Variants in AMMECR1 observed in about 807,000 individuals in gnomAD.
The protein encoded by AMMECR1 is AMMECR nuclear protein 1.
AMMECR1 carries 3 observed loss-of-function variants against 22.5 expected under a neutral mutation model. The observed-to-expected ratio is 0.13, with a 90% CI of 0.06 to 0.35. The LOEUF is 0.35. AMMECR1 is among the 10% of genes least tolerant of loss of function. The pLI, the probability that AMMECR1 is intolerant of heterozygous loss-of-function variation, is 1.00. For missense variants in AMMECR1, 235 were observed against 278.7 expected, an observed-to-expected ratio of 0.84 and a Z score of 1.12; for synonymous variants, 130 against 116.7, an observed-to-expected ratio of 1.11 and a Z score of -0.74.
chrX:110,289,221 C>A (rs1004277107), intron 1 of AMMECR1, among the ~76,000 whole-genome samples: 1 of 111,791 alleles, frequency 8.9e-6, no homozygotes, highest in African/African-American at 3.3e-5. Flanking sequence ...CCACATGTGG[C>A]AATTTCTACC....
intron 2 of AMMECR1, among the ~76,000 whole-genome samples, chrX:110,401,433 C>T (rs1034777621): frequency 1.8e-5 from 2 of 111,827 alleles, no homozygotes; most frequent in African/African-American, 6.5e-5. Context: ...AAGACCTTGA[C>T]CTCTGGTTTG....
Position 110,251,503 on chromosome X carries a change from T to A in AMMECR1, c.584+12986A>T, listed in dbSNP as rs190635677. On this transcript the variant is annotated intron_variant, in intron 2 of 5. Coordinates refer to ENST00000262844, the MANE Select transcript of AMMECR1 (RefSeq NM_015365.3). ...GGTCCTCAAGTACTATGCTTCTTAA[T>A]AAAAATGGGTTTTCCTCTCTGGTGA... 8.4e-3 allele frequency among the ~76,000 whole-genome samples: 944 copies of A among 112,375 alleles called. 3 individuals carry two copies. The highest frequency in any genetic ancestry group is 0.012 in the Non-Finnish European group (655 of 53,289).
At chrX:110,262,711 A>C (rs750968406) in intron 2 of AMMECR1, among the ~76,000 whole-genome samples, 1 of 112,145 alleles carries the variant, frequency 8.9e-6, no homozygotes, top group African/African-American at 3.2e-5. Context: ...AATGTTTGAT[A>C]ATGGGATTTC....
intron 1 of AMMECR1, among the ~76,000 whole-genome samples, chrX:110,293,540 A>C (rs2067919658): frequency 9.0e-6 from 1 of 110,853 alleles, no homozygotes; most frequent in African/African-American, 3.3e-5. Flanking sequence ...AGGGGGCCTG[A>C]TTTTCTTGAA....
chrX:110,328,816 A>C lies in AMMECR1; in HGVS notation c.-147-10967T>G, dbSNP rs763920353. Among the ~76,000 whole-genome samples, 3 of 112,011 alleles carry C rather than the reference A, an allele frequency of 2.7e-5. No homozygotes were observed. The South Asian group carries it at 1.1e-3, about 41-fold the overall frequency. Reference sequence around the variant, plus strand: ...TGAACTCATCCTTTTTTATGGCTGCATAGTATTCCATGGTGTGTATGTGTC... The same window carrying C: ...TGAACTCATCCTTTTTTATGGCTGCCTAGTATTCCATGGTGTGTATGTGTC... On this transcript the variant is annotated intron_variant, in intron 2 of 7. Transcript: ENST00000372057.
intron 2 of AMMECR1, among the ~76,000 whole-genome samples, chrX:110,371,559 G>T (rs2068339118): frequency 9.0e-6 from 1 of 111,218 alleles, no homozygotes; most frequent in Admixed American, 9.6e-5. Flanking sequence ...CCAGCCTCTG[G>T]TAACCATATG....
intron 2 of AMMECR1, among the ~76,000 whole-genome samples, chrX:110,392,429 G>A (rs1262625174): frequency 1.8e-5 from 2 of 110,221 alleles, no homozygotes; most frequent in Admixed American, 9.7e-5. Flanking sequence ...GTCATGTGCC[G>A]TCATGCCTGG....
chrX:110,383,155 G>T (rs1331995941), intron 2 of AMMECR1, among the ~76,000 whole-genome samples: 1 of 111,578 alleles, frequency 9.0e-6, no homozygotes. Context: ...AGTTACTTAA[G>T]ATTGCACCCA....
At chrX:110,343,800 C>T (rs2068175767) in intron 2 of AMMECR1, among the ~76,000 whole-genome samples, 1 of 110,441 alleles carries the variant, frequency 9.1e-6, no homozygotes, top group South Asian at 3.9e-4. Flanking sequence ...TGTGAAGGAC[C>T]TCTTCAAGGA....
At chrX:110,341,526 A>C (rs1351528681) in intron 2 of AMMECR1, among the ~76,000 whole-genome samples, 1 of 112,130 alleles carries the variant, frequency 8.9e-6, no homozygotes, top group African/African-American at 3.2e-5. Flanking sequence ...GGGTGATGAA[A>C]TCTTGCACCA....
At chrX:110,420,607 A>G (rs1191631127) in intron 2 of AMMECR1, among the ~76,000 whole-genome samples, 1 of 112,153 alleles carries the variant, frequency 8.9e-6, no homozygotes, top group East Asian at 2.8e-4. Context: ...ACAAACTTTC[A>G]GTGTTCCAAT....
At chrX:110,233,821 A>G (rs1392226515) in intron 2 of AMMECR1, among the ~76,000 whole-genome samples, 2 of 112,196 alleles carry the variant, frequency 1.8e-5, no homozygotes, top group African/African-American at 3.2e-5. Context: ...GTATTGATGG[A>G]ACGTATCTCA....
chrX:110,333,260 G>T (rs1434104172), intron 2 of AMMECR1, among the ~76,000 whole-genome samples: 1 of 111,773 alleles, frequency 8.9e-6, no homozygotes, highest in Non-Finnish European at 1.9e-5. Flanking sequence ...GAATTTTGTT[G>T]TAGGGATATA....
chrX:110,406,676 C>A (rs189733443), intron 2 of AMMECR1, among the ~76,000 whole-genome samples: 1 of 112,018 alleles, frequency 8.9e-6, no homozygotes, highest in Non-Finnish European at 1.9e-5. Context: ...CTTGAAGAAT[C>A]TCCAGTGTCT....
chrX:110,279,629 C>T (rs1337712332), intron 1 of AMMECR1, among the ~76,000 whole-genome samples: 1 of 111,541 alleles, frequency 9.0e-6, no homozygotes, highest in Non-Finnish European at 1.9e-5. Flanking sequence ...ACCTACCCAT[C>T]CCCCTCCTTC....
intron 1 of AMMECR1, among the ~76,000 whole-genome samples, chrX:110,301,870 T>C (rs954624551): frequency 9.0e-6 from 1 of 111,675 alleles, no homozygotes; most frequent in Non-Finnish European, 1.9e-5. Flanking sequence ...TTAAACATAT[T>C]AGAAAAAAAA....
In AMMECR1 at chrX:110,372,289, A is replaced by G. The variant is rs2068344460; in HGVS notation, c.-148+54369T>C. The stretch of plus-strand genomic sequence containing the variant: ...ATTTGCTTTTTATTTCTTTCAAATT[A>G]TTTGATTTTAAAAGAAATGCCTACA... On this transcript the variant is annotated intron_variant, in intron 2 of 7. Coordinates refer to the AMMECR1 transcript ENST00000372057. Among the ~76,000 whole-genome samples the G allele has an allele frequency of 6.2e-5, 7 of 112,725 alleles. No individual in the cohort carries two copies. The South Asian group carries it at 2.5e-3, about 41-fold the overall frequency.
At chrX:110,437,675 G>A (rs746240970) in intron 1 of AMMECR1, among the ~76,000 whole-genome samples, 3 of 111,597 alleles carry the variant, frequency 2.7e-5, no homozygotes, top group Non-Finnish European at 3.8e-5. Flanking sequence ...AATCTCCTTG[G>A]GAATGAGTTC....
intron 2 of AMMECR1, among the ~76,000 whole-genome samples, chrX:110,339,139 G>A (rs931207304): frequency 9.0e-6 from 1 of 111,293 alleles, no homozygotes; most frequent in African/African-American, 3.3e-5. Context: ...TGACAAGCGC[G>A]TGCAAGTTAA....
Sources: gnomAD v4.1 joint callset for allele counts (sites outside exome capture counted in the v4.1 genomes callset) on GRCh38, gnomAD v4.1.1 for gene constraint, MANE v1.5 for transcripts, NCBI Gene and HGNC (gene_info 2026-07-23, HGNC 2026-07-21) for gene names.